The following LAMB2 variants were observed in gnomAD, a reference collection of about 807,000 sequenced individuals.
LAMB2 encodes laminin subunit beta-2.
In LAMB2, 119 loss-of-function variants were observed where a neutral mutation model predicts 202.7. The ratio of observed to expected loss-of-function variants is 0.59; its 90% CI spans 0.51 to 0.68. The LOEUF (loss-of-function observed/expected upper bound fraction) is 0.68, where lower values mean the gene tolerates loss of function less well. LAMB2 is among the 30% of genes least tolerant of loss of function. The pLI is 0.00. For missense variants in LAMB2, 2,124 were observed against 2,410.6 expected (o/e 0.88, Z 2.49); for synonymous variants, 818 against 902.2 (o/e 0.91, Z 1.67).
At position 49,132,078 on chromosome 3, in the gene LAMB2, G is replaced by A; in HGVS notation, c.459+38C>T. The stretch of plus-strand genomic sequence containing the variant: ...CTGTCCAGGGGCAATGGAGAGCCAA[G>A]CAGGGTGATTCGGGCAGGCTCCCAG... On this transcript the variant is annotated intron_variant, in intron 4 of 31. Transcript: ENST00000305544. The surrounding 1 kb of genome is among the most constrained non-coding windows in gnomAD (Gnocchi z 4.6). The A allele has an allele frequency of 1.3e-6, 2 of 1,589,450 alleles. No homozygotes were observed. The highest frequency in any genetic ancestry group is 1.1e-5 in the South Asian group (1 of 90,416).
chr3:49,131,168 G>A lies in LAMB2; in HGVS notation c.713-16C>T. 1.2e-6 allele frequency: 2 copies of A among 1,612,068 alleles called. No individual in the cohort carries two copies. The highest frequency in any genetic ancestry group is 1.7e-6 in the Non-Finnish European group (2 of 1,179,270). On this transcript the variant is annotated splice_polypyrimidine_tract_variant and intron_variant, in intron 6 of 31. Transcript: ENST00000305544. This position sits in a 1 kb window ranked among gnomAD's most constrained non-coding sequence, Gnocchi z 5.0. ...TTCAACAGGTCTGAGGCGGGGGAAGGGGGGCCAACTGACCAGGCAGGCCCT... is the reference window on the plus strand; with the variant it reads ...TTCAACAGGTCTGAGGCGGGGGAAGAGGGGCCAACTGACCAGGCAGGCCCT...
chr3:49,124,118 G>A lies in LAMB2; in HGVS notation c.3425-18C>T. 11 of 1,614,168 alleles carry A rather than the reference G, an allele frequency of 6.8e-6. No individual in the cohort carries two copies. The highest frequency in any genetic ancestry group is 9.3e-6 in the Non-Finnish European group (11 of 1,180,028). On this transcript the variant is annotated intron_variant, in intron 23 of 31. Coordinates refer to ENST00000305544, the MANE Select transcript of LAMB2 (RefSeq NM_002292.4). ...ATCACAGGCTGCAAGAAAGAGCAGA[G>A]CACAGAGTTAGGGTCACTGTGGGGC...
chr3:49,122,242 C>G lies in LAMB2; in HGVS notation c.4702G>C (p.Asp1568His). The change falls in exon 28 of 32, where the codon GAT becomes CAT. Residue 1568 changes from aspartate (D) to histidine (H), a missense_variant. Asp to His is a moderately conservative substitution (Grantham distance 81). Transcript: ENST00000305544. Reference sequence around the variant, plus strand: ...GTACGTGCCAGGATCGCATCCACATCTGCCAGGCTCCGGACTCGCTCTGCA... The same window carrying G: ...GTACGTGCCAGGATCGCATCCACATGTGCCAGGCTCCGGACTCGCTCTGCA... ...AIAERVRSLA[D>H]VDAILARTVG... is the part of the protein sequence containing the mutation. 1 of 1,613,514 alleles carries G rather than the reference C, an allele frequency of 6.2e-7. No homozygotes were observed. Among genetic ancestry groups the G allele is most frequent in the Non-Finnish European group, 8.5e-7 (1 of 1,180,044 alleles).
intron 16 of LAMB2, 85 bp from the exon 17 acceptor site, chr3:49,126,244 G>C: frequency 6.2e-7 from 1 of 1,600,490 alleles, no homozygotes; most frequent in African/African-American, 1.3e-5. Context: ...ACTGCCACAA[G>C]CCTGCCCACC....
chr3:49,128,425 T>G (rs1575535037), intron 15 of LAMB2, 33 bp downstream of exon 15: 2 of 1,609,226 alleles, frequency 1.2e-6, no homozygotes, highest in East Asian at 4.5e-5. Flanking sequence ...CACAACCCCC[T>G]GCCATTGTGA....
At chr3:49,122,139 T>C (rs892742904) in intron 28 of LAMB2, 24 bp downstream of exon 28, 14 of 1,613,420 alleles carry the variant, frequency 8.7e-6, no homozygotes, top group Non-Finnish European at 1.2e-5. Context: ...GTGTCAGGGA[T>C]AGGGGCCAGG....
rs752745835 is a variant in LAMB2, at chr3:49,130,924, T to C, written c.915+26A>G. 1 of 1,614,024 alleles carries C rather than the reference T, an allele frequency of 6.2e-7. No individual in the cohort carries two copies. Among genetic ancestry groups the C allele is most frequent in the African/African-American group, 1.3e-5 (1 of 74,942 alleles). ...CCATGTCCGCCCCTGCCCCTAGCCC[T>C]ATCCCAACCGTCTGAAGCCCCTTAC... On this transcript the variant is annotated intron_variant, in intron 7 of 31. Coordinates refer to ENST00000305544, the MANE Select transcript of LAMB2 (RefSeq NM_002292.4). The surrounding 1 kb of genome is among the most constrained non-coding windows in gnomAD (Gnocchi z 5.0).
rs150783390 is a variant in LAMB2, at chr3:49,129,301, G to A, written c.1542C>T (p.His514=). The A allele has an allele frequency of 4.9e-5, 79 of 1,613,230 alleles. No homozygotes were observed. Among genetic ancestry groups the A allele is most frequent in the African/African-American group, 4.0e-4 (30 of 75,032 alleles). ...CACAGGGGCGGCAGCCGAGCAGGTCGTGGCTCAGGCCCCAGTGGCCAGGCT... is the reference window on the plus strand; with the variant it reads ...CACAGGGGCGGCAGCCGAGCAGGTCATGGCTCAGGCCCCAGTGGCCAGGCT... ...RCLPGHWGLS[H]DLLGCRPCDC... is the part of the protein sequence containing the mutation. The change falls in exon 12 of 32, where the codon CAC becomes CAT. Residue 514 remains histidine (H), a synonymous_variant. Coordinates refer to ENST00000305544, the MANE Select transcript of LAMB2 (RefSeq NM_002292.4). This position sits in a 1 kb window ranked among gnomAD's most constrained non-coding sequence, Gnocchi z 6.1.
At position 49,122,899 on chromosome 3, in the gene LAMB2, G is replaced by C. The variant is rs767485612; in HGVS notation, c.4378C>G (p.Gln1460Glu). ...DLALGRARHT[Q>E]AELQRALAEG... is the part of the protein sequence containing the mutation. ...GCCAGTGCCCGCTGCAGCTCTGCCTGTGTGTGCCGGGCCCGGCCCAGTGCT... is the reference window on the plus strand; with the variant it reads ...GCCAGTGCCCGCTGCAGCTCTGCCTCTGTGTGCCGGGCCCGGCCCAGTGCT... Residue 1460 changes from glutamine to glutamate, a missense_variant, in exon 27 of 32, where the codon CAG becomes GAG. Coordinates refer to ENST00000305544, the MANE Select transcript of LAMB2 (RefSeq NM_002292.4). The C allele has an allele frequency of 1.9e-6, 3 of 1,609,814 alleles. No homozygotes were observed. In the South Asian group the frequency reaches 3.3e-5, roughly 18 times the overall value.
Position 49,129,847 on chromosome 3 carries a change from CCCA to C in LAMB2, c.1394_1396del (p.Leu465_Gly466delinsArg), listed in dbSNP as rs1277599013. ...GGGCAGGAGACACATACGCCGGCAGCCCAGACGGTCACTGATGCTGAGCCCAAA... is the reference window on the plus strand; with the variant it reads ...GGGCAGGAGACACATACGCCGGCAGCGACGGTCACTGATGCTGAGCCCAAA... On this transcript the variant is annotated inframe_deletion, in exon 10 of 32. Transcript: ENST00000305544. This position sits in a 1 kb window ranked among gnomAD's most constrained non-coding sequence, Gnocchi z 6.1. 3 of 1,613,720 alleles carry C rather than the reference CCCA, an allele frequency of 1.9e-6. No homozygotes were observed. Among genetic ancestry groups the C allele is most frequent in the African/African-American group, 1.3e-5 (1 of 74,930 alleles).
chr3:49,123,043 C>T lies in LAMB2; in HGVS notation c.4234G>A (p.Ala1412Thr), dbSNP rs1421792351. 6.2e-7 allele frequency: 1 copy of T among 1,607,142 alleles called. No homozygotes were observed. Among genetic ancestry groups the T allele is most frequent in the Non-Finnish European group, 8.5e-7 (1 of 1,179,986 alleles). ...LTDINELVCG[A>T]PGDAPCATSP... ...GTAGCACAGGGTGCATCCCCTGGTGCCCCACACACCTGCCAGGCACAGAAC... is the reference window on the plus strand; with the variant it reads ...GTAGCACAGGGTGCATCCCCTGGTGTCCCACACACCTGCCAGGCACAGAAC... Residue 1412 changes from alanine to threonine, a missense_variant, in exon 27 of 32, where the codon GCA becomes ACA. By Grantham distance (58) the Ala-to-Thr change is moderately conservative. This residue lies in a region of LAMB2 where 1,702 missense variants were observed against 1,896.3 expected (regional missense o/e 0.90). Coordinates refer to ENST00000305544, the MANE Select transcript of LAMB2 (RefSeq NM_002292.4).
In LAMB2 at chr3:49,125,895, G is replaced by C; in HGVS notation, c.2345-5C>G. 1 of 1,614,114 alleles carries C rather than the reference G, an allele frequency of 6.2e-7. No individual in the cohort carries two copies. ...CTTGAGGGTTGCACTGACATGCTGT[G>C]GGGAGGAGGGTTGGGCCAAGTCAGG... On this transcript the variant is annotated splice_polypyrimidine_tract_variant and splice_region_variant and intron_variant, in intron 17 of 31. Transcript: ENST00000305544.
Position 49,123,881 on chromosome 3 carries a change from G to T in LAMB2, c.3644C>A (p.Ala1215Glu), listed in dbSNP as rs140456179. The change falls in exon 24 of 32, where the codon GCG becomes GAG. Residue 1215 changes from alanine (A) to glutamate (E), a missense_variant. Transcript: ENST00000305544. The part of the protein sequence containing the change: ...AARTQRLEQR[A>E]QELQQTGVLG... The stretch of plus-strand genomic sequence containing the variant: ...CACACCCGTCTGTTGCAACTCCTGC[G>T]CCCGCTGCTCTAGGCGCTGTGTACG... The T allele has an allele frequency of 3.7e-6, 6 of 1,613,404 alleles. No homozygotes were observed. The highest frequency in any genetic ancestry group is 4.2e-6 in the Non-Finnish European group (5 of 1,180,004).
rs544997181 is a variant in LAMB2, at chr3:49,130,067, C to T, written c.1226-49G>A. 4 of 1,599,224 alleles carry T rather than the reference C, an allele frequency of 2.5e-6. No individual in the cohort carries two copies. Among genetic ancestry groups the T allele is most frequent in the Non-Finnish European group, 3.4e-6 (4 of 1,167,226 alleles). ...GTCACTCACCCTATCTCAACTAGCTCACTGCCAGTCCTCTCCTAAGCCTAA... is the reference window on the plus strand; with the variant it reads ...GTCACTCACCCTATCTCAACTAGCTTACTGCCAGTCCTCTCCTAAGCCTAA... On this transcript the variant is annotated intron_variant, in intron 9 of 31. Coordinates refer to ENST00000305544, the MANE Select transcript of LAMB2 (RefSeq NM_002292.4). The surrounding 1 kb of genome is among the most constrained non-coding windows in gnomAD (Gnocchi z 5.0).
rs748395355 is a variant in LAMB2, at chr3:49,129,070, G to A, written c.1681C>T (p.Arg561Trp). 2.4e-5 allele frequency: 39 copies of A among 1,613,320 alleles called. 1 individual carries two copies. The highest frequency in any genetic ancestry group is 9.3e-5 in the African/African-American group (7 of 74,938). ...RCEQVQPGYF[R>W]PFLDHLIWEA... ...CAAATTAGGTGGTCCAGGAAGGGCC[G>A]GAAGTAGCCAGGTTGCACCTGCTCA... Residue 561 changes from arginine to tryptophan, a missense_variant, in exon 13 of 32, where the codon CGG becomes TGG. Coordinates refer to ENST00000305544, the MANE Select transcript of LAMB2 (RefSeq NM_002292.4). This position sits in a 1 kb window ranked among gnomAD's most constrained non-coding sequence, Gnocchi z 6.1.
Position 49,128,792 on chromosome 3 carries a change from T to G in LAMB2, c.1759A>C (p.Thr587Pro). Residue 587 changes from threonine to proline, a missense_variant, in exon 14 of 32, where the codon ACC becomes CCC. This residue lies in a region of LAMB2 where 1,702 missense variants were observed against 1,896.3 expected (regional missense o/e 0.90). Transcript: ENST00000305544. ...GTCCAGGATGGAGTTTCCCCGGGGG[T>G]CACCAGGCGCTCCACCACATCGAGC... ...QVLDVVERLV[T>P]PGETPSWTGS... The G allele has an allele frequency of 6.2e-7, 1 of 1,613,390 alleles. No individual in the cohort carries two copies. The highest frequency in any genetic ancestry group is 8.5e-7 in the Non-Finnish European group (1 of 1,179,578).
Position 49,130,317 on chromosome 3 carries a change from T to A in LAMB2, c.1139A>T (p.Asn380Ile). Residue 380 changes from asparagine to isoleucine, a missense_variant, in exon 9 of 32, where the codon AAC (asparagine) becomes ATC (isoleucine). By Grantham distance (149) the Asn-to-Ile change is moderately radical (BLOSUM62 -3). Coordinates refer to ENST00000305544, the MANE Select transcript of LAMB2 (RefSeq NM_002292.4). This position sits in a 1 kb window ranked among gnomAD's most constrained non-coding sequence, Gnocchi z 5.0. ...GAGCTCACAGTGGCGCCCAGCTGTG[T>A]TATGCTGACATCCATCACACACACC... ...SGGVCDGCQH[N>I]TAGRHCELCR... 6.2e-7 allele frequency: 1 copy of A among 1,614,182 alleles called. No individual in the cohort carries two copies. Among genetic ancestry groups the A allele is most frequent in the Non-Finnish European group, 8.5e-7 (1 of 1,180,042 alleles).
At chr3:49,127,611 C>T (rs1207521630) in intron 15 of LAMB2, among the ~76,000 whole-genome samples, 3 of 151,842 alleles carry the variant, frequency 2.0e-5, no homozygotes, top group Non-Finnish European at 4.4e-5. Flanking sequence ...AGGAGAATGG[C>T]GTGAACCTGG....
At position 49,132,242 on chromosome 3, in the gene LAMB2, C is replaced by G; in HGVS notation, c.385+28G>C. On this transcript the variant is annotated intron_variant, in intron 3 of 31. Transcript: ENST00000305544. The surrounding 1 kb of genome is among the most constrained non-coding windows in gnomAD (Gnocchi z 4.6). ...TCAAAGCTACTGGTGGGCAGCCCTG[C>G]TCACTTTTGCCCCACCCATGGCCTC... 1 of 1,614,226 alleles carries G rather than the reference C, an allele frequency of 6.2e-7. No homozygotes were observed. Among genetic ancestry groups the G allele is most frequent in the Non-Finnish European group, 8.5e-7 (1 of 1,180,034 alleles).
Sources: gnomAD v4.1 joint callset for allele counts (sites outside exome capture counted in the v4.1 genomes callset) on GRCh38, gnomAD v4.1.1 for gene constraint, gnomAD v4.1.1 regional missense constraint, Gnocchi (gnomAD v3.1) non-coding constraint, MANE v1.5 for transcripts, NCBI Gene and HGNC (gene_info 2026-07-23, HGNC 2026-07-21) for gene names.